KCNQ5: variants seen among roughly 807,000 people sequenced by gnomAD.
KCNQ5 encodes potassium voltage-gated channel subfamily KQT member 5.
Under a neutral mutation model 98.2 loss-of-function variants are expected in KCNQ5, and 30 were observed. The observed-to-expected ratio is 0.31, with a 90% confidence interval of 0.23 to 0.41. KCNQ5 has a LOEUF of 0.41. Ranked by LOEUF, KCNQ5 falls within the 10% of genes least tolerant of loss-of-function variation. KCNQ5 has a pLI of 1.00. For missense variants in KCNQ5, 835 were observed against 1,182.5 expected, an observed-to-expected ratio of 0.71 and a Z score of 4.31; for synonymous variants, 458 against 449.4, an observed-to-expected ratio of 1.02 and a Z score of -0.24.
chr6:72,955,897 G>A (rs1767019678), intron 1 of KCNQ5, among the ~76,000 whole-genome samples: 1 of 152,100 alleles, frequency 6.6e-6, no homozygotes, highest in Admixed American at 6.5e-5. Context: ...TCCAGGCTGG[G>A]TGACACAGAG....
intron 1 of KCNQ5, among the ~76,000 whole-genome samples, chr6:72,889,380 A>C (rs1778973774): frequency 6.6e-6 from 1 of 152,240 alleles, no homozygotes; most frequent in South Asian, 2.1e-4. Flanking sequence ...GCTACTCAAC[A>C]GCATATAACT....
At chr6:73,055,221 G>T (rs9341397) in intron 3 of KCNQ5, 1,172,835 of 1,180,648 alleles carry the variant, frequency 0.99, 582,852 homozygotes, top group East Asian at 1. Flanking sequence ...AAGCAGGCAC[G>T]GCGAGATGCT....
At chr6:72,829,087 G>T (rs1562009840) in intron 1 of KCNQ5, among the ~76,000 whole-genome samples, 1 of 152,020 alleles carries the variant, frequency 6.6e-6, no homozygotes. Flanking sequence ...TGACTGTGGT[G>T]TGGCCCACAC....
chr6:73,080,988 T>C lies in KCNQ5; in HGVS notation c.918+3101T>C, dbSNP rs543646526. On this transcript the variant is annotated intron_variant, in intron 5 of 13. Coordinates refer to ENST00000370398, the MANE Select transcript of KCNQ5 (RefSeq NM_019842.4). ...AGCAATACCTAGTTCATTGAGTAAGTGAAATAGATATAAAAGACCTGGTAC... is the reference window on the plus strand; with the variant it reads ...AGCAATACCTAGTTCATTGAGTAAGCGAAATAGATATAAAAGACCTGGTAC... Among the ~76,000 whole-genome samples the C allele has an allele frequency of 2.0e-5, 3 of 152,286 alleles. No homozygotes were observed. The Middle Eastern group carries it at 0.01, about 518-fold the overall frequency.
At chr6:72,934,865 A>G (rs1184259217) in intron 1 of KCNQ5, among the ~76,000 whole-genome samples, 8 of 152,026 alleles carry the variant, frequency 5.3e-5, no homozygotes, top group African/African-American at 1.7e-4. Context: ...AGTGTCCCCA[A>G]TCCCACTAAA....
rs1419718309 is a variant in KCNQ5, at chr6:73,196,227, A to G, written c.*813A>G. The G allele has an allele frequency of 6.6e-6, 1 of 152,262 alleles. No individual in the cohort carries two copies. The highest frequency in any genetic ancestry group is 6.5e-5 in the Admixed American group (1 of 15,288). 9.4% of individuals were successfully genotyped at this position (152,262 alleles called of 1,614,324 possible). On this transcript the variant is annotated 3_prime_UTR_variant, in exon 14 of 14. Coordinates refer to ENST00000370398, the MANE Select transcript of KCNQ5 (RefSeq NM_019842.4). ...TCAGTAGAACAGCCATTGTGATTGGACTGGTTTCTCTGCAATGGCGCCAAC... is the reference window on the plus strand; with the variant it reads ...TCAGTAGAACAGCCATTGTGATTGGGCTGGTTTCTCTGCAATGGCGCCAAC...
chr6:72,898,140 G>A (rs1010458964), intron 1 of KCNQ5, among the ~76,000 whole-genome samples: 40 of 152,090 alleles, frequency 2.6e-4, no homozygotes, highest in Admixed American at 9.2e-4. Flanking sequence ...AGGGGGAAAC[G>A]TTTGTGTAAT....
At chr6:72,946,406 A>AAT (rs1766549221) in intron 1 of KCNQ5, among the ~76,000 whole-genome samples, 1 of 152,168 alleles carries the variant, frequency 6.6e-6, no homozygotes, top group South Asian at 2.1e-4. Context: ...ATCATCATCA[A>AAT]ATAATATTTA....
At chr6:72,859,196 T>C (rs886295649) in intron 1 of KCNQ5, among the ~76,000 whole-genome samples, 1 of 152,156 alleles carries the variant, frequency 6.6e-6, no homozygotes, top group Non-Finnish European at 1.5e-5. Context: ...TGTATTATAA[T>C]ATTTGAAGTT....
chr6:72,919,964 T>C (rs1780319695), intron 1 of KCNQ5, among the ~76,000 whole-genome samples: 1 of 152,144 alleles, frequency 6.6e-6, no homozygotes, highest in African/African-American at 2.4e-5. Flanking sequence ...GCCTGGCTGC[T>C]CACCAAAAGT....
chr6:72,794,954 G>C (rs191149121), intron 1 of KCNQ5, among the ~76,000 whole-genome samples: 1 of 152,108 alleles, frequency 6.6e-6, no homozygotes, highest in Non-Finnish European at 1.5e-5. Context: ...AGAAGTCCAA[G>C]GGTATTGCTT....
intron 1 of KCNQ5, among the ~76,000 whole-genome samples, chr6:72,898,102 A>T (rs146274865): frequency 6.6e-6 from 1 of 152,290 alleles, no homozygotes; most frequent in African/African-American, 2.4e-5. Context: ...GAACAATGGC[A>T]CCTGAGGGGA....
chr6:72,994,007 G>A (rs1199598689), intron 1 of KCNQ5, among the ~76,000 whole-genome samples: 4 of 71,792 alleles, frequency 5.6e-5, no homozygotes, highest in Non-Finnish European at 7.5e-5. Context: ...TGAGGAGGCA[G>A]TCTGCCCGTT....
At chr6:72,814,207 A>C (rs1775387900) in intron 1 of KCNQ5, among the ~76,000 whole-genome samples, 1 of 152,192 alleles carries the variant, frequency 6.6e-6, no homozygotes. Flanking sequence ...CACCCTGGAA[A>C]ATGAGTGCCT....
At chr6:73,150,694 T>C (rs1267977381) in intron 10 of KCNQ5, among the ~76,000 whole-genome samples, 1 of 151,488 alleles carries the variant, frequency 6.6e-6, no homozygotes, top group East Asian at 1.9e-4. Flanking sequence ...GAGTGAAGTA[T>C]TGATACACAC....
At chr6:72,854,540 G>C (rs1389042795) in intron 1 of KCNQ5, among the ~76,000 whole-genome samples, 2 of 151,668 alleles carry the variant, frequency 1.3e-5, no homozygotes, top group African/African-American at 4.8e-5. Context: ...AGTTTACGAT[G>C]TCTATCATTA....
rs528212260 is a variant in KCNQ5 at position 72,942,148 on chromosome 6, G to A, written c.399-61760G>A. Among the ~76,000 whole-genome samples the A allele has an allele frequency of 5.8e-4, 88 of 152,264 alleles. 1 individual carries two copies. The highest frequency in any genetic ancestry group is 2.0e-3 in the African/African-American group (84 of 41,566). On this transcript the variant is annotated intron_variant, in intron 1 of 13. Transcript: ENST00000370398. ...AGGTGCTAAGGCTCTCTACTGGAGA[G>A]ATTTCAGAGAAATAGAACAATATCT...
chr6:72,830,654 C>T (rs1776217543), intron 1 of KCNQ5, among the ~76,000 whole-genome samples: 1 of 152,160 alleles, frequency 6.6e-6, no homozygotes, highest in African/African-American at 2.4e-5. Flanking sequence ...CTCGGCAATA[C>T]CGTTCAGGAC....
intron 1 of KCNQ5, among the ~76,000 whole-genome samples, chr6:72,751,694 A>T (rs1002809291): frequency 6.6e-6 from 1 of 152,092 alleles, no homozygotes; most frequent in African/African-American, 2.4e-5. Context: ...CATAATTAGG[A>T]TTAATATAGG....
Sources: gnomAD v4.1 joint callset for allele counts (sites outside exome capture counted in the v4.1 genomes callset) on GRCh38, gnomAD v4.1.1 for gene constraint, MANE v1.5 for transcripts, NCBI Gene and HGNC (gene_info 2026-07-23, HGNC 2026-07-21) for gene names.